Variants in FAM120B observed in about 807,000 individuals in gnomAD.
FAM120B encodes the protein constitutive coactivator of peroxisome proliferator-activated receptor gamma.
FAM120B carries 83 observed loss-of-function variants against 96.3 expected under a neutral mutation model. The observed-to-expected ratio is 0.86, with a 90% CI of 0.72 to 1.03. FAM120B has a LOEUF of 1.03. Among genes scored for constraint, FAM120B ranks in the 50% least tolerant of loss-of-function variants. The probability of loss-of-function intolerance (pLI) is 0.00; values close to 1 mark genes in which losing one functional copy is unlikely to be tolerated. For synonymous variants in FAM120B, 407 were observed against 402.7 expected (o/e 1.01, Z -0.13); for missense variants, 1,027 against 1,121.2 (o/e 0.92, Z 1.20).
At chr6:170,393,942 A>C (rs1039144779) in intron 8 of FAM120B, among the ~76,000 whole-genome samples, 1 of 152,188 alleles carries the variant, frequency 6.6e-6, no homozygotes, top group Non-Finnish European at 1.5e-5. Flanking sequence ...TCTGGACCCA[A>C]GCTGACAGCT....
intron 6 of FAM120B, among the ~76,000 whole-genome samples, chr6:170,365,691 T>G (rs1788737106): frequency 6.6e-6 from 1 of 151,870 alleles, no homozygotes; most frequent in Admixed American, 6.6e-5. Flanking sequence ...ACGGGCCTCC[T>G]GACACACACA....
chr6:170,307,195 T>C (rs983918683), intron 1 of FAM120B, among the ~76,000 whole-genome samples: 3 of 152,210 alleles, frequency 2.0e-5, no homozygotes, highest in Non-Finnish European at 4.4e-5. Flanking sequence ...GGCTCCTATA[T>C]GTCATTTTTG....
intron 9 of FAM120B, among the ~76,000 whole-genome samples, chr6:170,398,375 A>T (rs1279516503): frequency 6.6e-6 from 1 of 152,318 alleles, no homozygotes; most frequent in Non-Finnish European, 1.5e-5. Context: ...GAACTATGTC[A>T]TAACTCTTAG....
chr6:170,378,224 A>G (rs1012928626), intron 6 of FAM120B, among the ~76,000 whole-genome samples: 3 of 152,172 alleles, frequency 2.0e-5, no homozygotes, highest in Non-Finnish European at 4.4e-5. Context: ...TTATTTATTA[A>G]TCTTTAGCAT....
chr6:170,343,305 A>G (rs1045868264), intron 4 of FAM120B, among the ~76,000 whole-genome samples: 1 of 150,980 alleles, frequency 6.6e-6, no homozygotes, highest in Non-Finnish European at 1.5e-5. Flanking sequence ...GAGGACTTCC[A>G]CATATTCTGA....
intron 9 of FAM120B, among the ~76,000 whole-genome samples, chr6:170,401,263 C>T (rs948180412): frequency 1.3e-5 from 2 of 152,224 alleles, no homozygotes; most frequent in African/African-American, 2.4e-5. Flanking sequence ...ATGGTTTCCT[C>T]GTCCTGCCTG....
At chr6:170,293,436 CA>C (rs1783929457), upstream of FAM120B, among the ~76,000 whole-genome samples, 1 of 152,042 alleles carries the variant, frequency 6.6e-6, no homozygotes, top group African/African-American at 2.4e-5. Context: ...AGACTTGCCC[CA>C]AATCTCTAAC....
intron 6 of FAM120B, among the ~76,000 whole-genome samples, chr6:170,376,686 G>A (rs188528405): frequency 1.3e-5 from 2 of 152,292 alleles, no homozygotes; most frequent in Admixed American, 6.5e-5. Context: ...GTTTGGTTAC[G>A]GATGAGTGGT....
At chr6:170,297,609 C>G (rs1026158904) in intron 1 of FAM120B, among the ~76,000 whole-genome samples, 14 of 142,924 alleles carry the variant, frequency 9.8e-5, no homozygotes, top group African/African-American at 3.5e-4. Context: ...ATTCAACTTT[C>G]CACCTGTTGC....
At chr6:170,397,919 G>A (rs1293160430) in intron 9 of FAM120B, among the ~76,000 whole-genome samples, 1 of 152,202 alleles carries the variant, frequency 6.6e-6, no homozygotes. Flanking sequence ...GGCAGGGCGT[G>A]CTGTCATGTC....
intron 4 of FAM120B, among the ~76,000 whole-genome samples, chr6:170,339,921 AT>A (rs1786704622): frequency 6.6e-6 from 1 of 151,546 alleles, no homozygotes; most frequent in Non-Finnish European, 1.5e-5. Flanking sequence ...TGCCCTTAAC[AT>A]TTTTTCCTTC....
intron 9 of FAM120B, among the ~76,000 whole-genome samples, chr6:170,398,951 C>G (rs1234032655): frequency 3.3e-5 from 5 of 150,686 alleles, no homozygotes; most frequent in African/African-American, 1.2e-4. Flanking sequence ...AAAGGTAGAA[C>G]TATGTCATAA....
intron 6 of FAM120B, among the ~76,000 whole-genome samples, chr6:170,361,887 G>T (rs948157808): frequency 2.6e-5 from 4 of 152,266 alleles, no homozygotes; most frequent in Non-Finnish European, 2.9e-5. Context: ...TCCACCTCCT[G>T]GGTTCAACTG....
chr6:170,339,032 T>C (rs1307842158), intron 4 of FAM120B, among the ~76,000 whole-genome samples: 1 of 152,148 alleles, frequency 6.6e-6, no homozygotes, highest in African/African-American at 2.4e-5. Flanking sequence ...ACATTTAAGG[T>C]TAATATTGTT....
rs1321430448 is a variant in FAM120B at position 170,295,910 on chromosome 6, G to C, written c.48+457G>C. ...AGCGGAGGCATGTGCTGATTTGCAT[G>C]AGAACGGGCGGGTCGCGTGGCTCAG... On this transcript the variant is annotated intron_variant, in intron 1 of 10. Transcript: ENST00000537664. The surrounding 1 kb of genome is among the most constrained non-coding windows in gnomAD (Gnocchi z 7.8). 1.3e-5 allele frequency among the ~76,000 whole-genome samples: 2 copies of C among 152,026 alleles called. No homozygotes were observed. Among genetic ancestry groups the C allele is most frequent in the East Asian group, 3.9e-4 (2 of 5,126 alleles).
chr6:170,313,420 A>G (rs949266169), intron 1 of FAM120B, among the ~76,000 whole-genome samples: 15 of 152,210 alleles, frequency 9.9e-5, no homozygotes, highest in African/African-American at 3.6e-4. Context: ...CCATTGAAAG[A>G]AAAATTACTT....
At chr6:170,303,373 G>T (rs539705966), upstream of FAM120B, among the ~76,000 whole-genome samples, 1 of 152,116 alleles carries the variant, frequency 6.6e-6, no homozygotes, top group Non-Finnish European at 1.5e-5. Flanking sequence ...CTAAGTAGCT[G>T]GGACTACAGG....
intron 2 of FAM120B, among the ~76,000 whole-genome samples, chr6:170,319,536 C>T (rs768730044): frequency 3.9e-4 from 59 of 152,226 alleles, no homozygotes; most frequent in Non-Finnish European, 4.9e-4. Flanking sequence ...GGCATGGTGG[C>T]GCACACATGT....
chr6:170,365,975 G>A (rs765269959), intron 6 of FAM120B, among the ~76,000 whole-genome samples: 35 of 152,192 alleles, frequency 2.3e-4, no homozygotes, highest in Non-Finnish European at 4.4e-4. Flanking sequence ...AGGGGACAGA[G>A]CAGGAACTCC....
Sources: allele counts gnomAD v4.1 joint callset (sites outside exome capture counted in the v4.1 genomes callset), GRCh38; gene constraint gnomAD v4.1.1; non-coding constraint Gnocchi (gnomAD v3.1); transcripts MANE v1.5; gene names NCBI Gene and HGNC (gene_info 2026-07-23, HGNC 2026-07-21).